TMEFF1: variants seen among roughly 807,000 people sequenced by gnomAD.
TMEFF1 encodes tomoregulin-1.
TMEFF1 carries 20 observed loss-of-function variants against 47.5 expected under a neutral mutation model. The ratio of observed to expected loss-of-function variants is 0.42; its 90% CI spans 0.30 to 0.61. The LOEUF (loss-of-function observed/expected upper bound fraction) is 0.61, where lower values mean the gene tolerates loss of function less well. Among genes scored for constraint, TMEFF1 ranks in the 20% least tolerant of loss-of-function variants. The probability of loss-of-function intolerance (pLI) is 0.19; values close to 1 mark genes in which losing one functional copy is unlikely to be tolerated. For missense variants in TMEFF1, 411 were observed against 471.1 expected, an observed-to-expected ratio of 0.87 and a Z score of 1.18; for synonymous variants, 162 against 166.3, an observed-to-expected ratio of 0.97 and a Z score of 0.20.
intron 1 of TMEFF1, among the ~76,000 whole-genome samples, chr9:100,494,075 T>G (rs1837607037): frequency 6.6e-6 from 1 of 151,888 alleles, no homozygotes; most frequent in Admixed American, 6.6e-5. Flanking sequence ...CCCCAGCTAC[T>G]CAGAAGGCTG....
chr9:100,515,223 A>C (rs1190523712), intron 4 of TMEFF1, among the ~76,000 whole-genome samples: 1 of 152,052 alleles, frequency 6.6e-6, no homozygotes, highest in African/African-American at 2.4e-5. Flanking sequence ...TTTTGAGAGC[A>C]TGAGTTAGAA....
intron 7 of TMEFF1, among the ~76,000 whole-genome samples, chr9:100,550,464 C>A (rs1838811969): frequency 6.6e-6 from 1 of 152,206 alleles, no homozygotes; most frequent in Non-Finnish European, 1.5e-5. Context: ...ATCCTCTTTA[C>A]TCCTCTAGAA....
Position 100,576,581 on chromosome 9 carries a change from C to A in TMEFF1, c.1124C>A (p.Thr375Lys), listed in dbSNP as rs377154765. The A allele has an allele frequency of 6.2e-7, 1 of 1,613,104 alleles. No homozygotes were observed. Among genetic ancestry groups the A allele is most frequent in the Non-Finnish European group, 8.5e-7 (1 of 1,179,482 alleles). The part of the protein sequence containing the change: ...KQNLGHFTSD[T>K]SSRMV ...AACCTAGGTCATTTTACTTCAGATACGTCATCCAGAATGGTTTAAACTGAT... is the reference window on the plus strand; with the variant it reads ...AACCTAGGTCATTTTACTTCAGATAAGTCATCCAGAATGGTTTAAACTGAT... The change falls in exon 10 of 10, where the codon ACG becomes AAG. Residue 375 changes from threonine (T) to lysine (K), a missense_variant. Physicochemically the swap from Thr to Lys is moderately conservative, Grantham distance 78 (BLOSUM62 -1). Coordinates refer to ENST00000374879, the MANE Select transcript of TMEFF1 (RefSeq NM_003692.5).
intron 8 of TMEFF1, among the ~76,000 whole-genome samples, chr9:100,565,829 C>T (rs1294432122): frequency 6.6e-6 from 1 of 152,112 alleles, no homozygotes; most frequent in African/African-American, 2.4e-5. Context: ...AAAAAAACTC[C>T]TCATTCTCAT....
intron 7 of TMEFF1, among the ~76,000 whole-genome samples, chr9:100,556,498 A>G (rs1838917397): frequency 6.6e-6 from 1 of 152,182 alleles, no homozygotes; most frequent in African/African-American, 2.4e-5. Context: ...GAGCTTAAAA[A>G]TAAAGGATTG....
Position 100,545,483 on chromosome 9 carries a change from C to T in TMEFF1, c.561-2261C>T, listed in dbSNP as rs12555449. Among the ~76,000 whole-genome samples the T allele has an allele frequency of 2.6e-4, 40 of 152,278 alleles. No homozygotes were observed. The Middle Eastern group carries it at 0.014, about 52-fold the overall frequency. ...CCAAGTCCCTAGGCTGCACAGAGCA[C>T]GGGGATCCTGGGCCCTACCCAGGAA... On this transcript the variant is annotated intron_variant, in intron 5 of 9. Transcript: ENST00000374879.
At chr9:100,480,406 C>A (rs1837318753) in intron 1 of TMEFF1, among the ~76,000 whole-genome samples, 1 of 152,050 alleles carries the variant, frequency 6.6e-6, no homozygotes, top group Admixed American at 6.6e-5. Flanking sequence ...AAATATTACT[C>A]AAATCGATGA....
intron 1 of TMEFF1, among the ~76,000 whole-genome samples, chr9:100,483,746 C>G (rs959893613): frequency 4.0e-5 from 6 of 151,738 alleles, no homozygotes; most frequent in Non-Finnish European, 8.8e-5. Context: ...TTAAGTCTCT[C>G]TTTGTGTATC....
At chr9:100,477,266 C>T (rs774632935) in intron 1 of TMEFF1, among the ~76,000 whole-genome samples, 6 of 152,186 alleles carry the variant, frequency 3.9e-5, no homozygotes, top group South Asian at 4.1e-4. Flanking sequence ...GATGTTGTTA[C>T]GTTAGTCAAC....
chr9:100,533,175 A>G (rs191925777), intron 5 of TMEFF1, among the ~76,000 whole-genome samples: 4 of 152,060 alleles, frequency 2.6e-5, no homozygotes, highest in East Asian at 1.9e-4. Flanking sequence ...CCAGCATGGC[A>G]CATGTATACA....
intron 1 of TMEFF1, among the ~76,000 whole-genome samples, chr9:100,489,514 A>G (rs779700776): frequency 6.6e-6 from 1 of 152,228 alleles, no homozygotes; most frequent in Non-Finnish European, 1.5e-5. Flanking sequence ...AGGTTCTTAT[A>G]TACTGTAGCA....
chr9:100,489,377 A>G (rs115181782), intron 1 of TMEFF1, among the ~76,000 whole-genome samples: 1 of 152,008 alleles, frequency 6.6e-6, no homozygotes, highest in African/African-American at 2.4e-5. Flanking sequence ...AGATTTTTGC[A>G]TGGGGGTTTC....
At chr9:100,503,167 T>C (rs1367562980) in intron 2 of TMEFF1, among the ~76,000 whole-genome samples, 2 of 152,222 alleles carry the variant, frequency 1.3e-5, no homozygotes, top group African/African-American at 4.8e-5. Flanking sequence ...CAGCATGCTT[T>C]TAGTGCTAAA....
chr9:100,545,224 T>G (rs1465321769), intron 5 of TMEFF1, among the ~76,000 whole-genome samples: 1 of 152,236 alleles, frequency 6.6e-6, no homozygotes. Flanking sequence ...GCAGAGGTTC[T>G]CCATGAGGGC....
chr9:100,563,023 G>A (rs1839050603), intron 8 of TMEFF1, among the ~76,000 whole-genome samples: 1 of 151,962 alleles, frequency 6.6e-6, no homozygotes, highest in Non-Finnish European at 1.5e-5. Flanking sequence ...TCACTATGTT[G>A]GCCAGGATGG....
intron 5 of TMEFF1, among the ~76,000 whole-genome samples, chr9:100,517,933 A>G (rs1838100680): frequency 6.6e-6 from 1 of 152,208 alleles, no homozygotes; most frequent in Admixed American, 6.5e-5. Context: ...ATATAGGTAT[A>G]TGTGTCAGTA....
intron 1 of TMEFF1, among the ~76,000 whole-genome samples, chr9:100,483,742 C>G (rs1001444824): frequency 5.9e-5 from 9 of 151,816 alleles, no homozygotes; most frequent in Non-Finnish European, 1.3e-4. Flanking sequence ...TGCTTTAAGT[C>G]TCTCTTTGTG....
chr9:100,530,107 A>AAT (rs1411585081), intron 5 of TMEFF1, among the ~76,000 whole-genome samples: 2 of 151,622 alleles, frequency 1.3e-5, no homozygotes, highest in African/African-American at 4.9e-5. Context: ...TGTAGAGGGA[A>AAT]ATTTATAGCA....
At chr9:100,574,617 T>C (rs2118588051) in intron 9 of TMEFF1, among the ~76,000 whole-genome samples, 1 of 152,182 alleles carries the variant, frequency 6.6e-6, no homozygotes, top group African/African-American at 2.4e-5. Flanking sequence ...GCTCAAGTGA[T>C]CCACCTGCCT....
Sources: allele counts gnomAD v4.1 joint callset (sites outside exome capture counted in the v4.1 genomes callset), GRCh38; gene constraint gnomAD v4.1.1; transcripts MANE v1.5; gene names NCBI Gene and HGNC (gene_info 2026-07-23, HGNC 2026-07-21).